The following RIC8A variants were observed in gnomAD, a reference collection of about 807,000 sequenced individuals.
The protein encoded by RIC8A is RIC8 guanine nucleotide exchange factor A, also known as chaperone Ric-8A.
Under a neutral mutation model 48.4 loss-of-function variants are expected in RIC8A, and 37 were observed. That is an observed-to-expected ratio of 0.77 (90% CI 0.59 to 1.01). RIC8A has a LOEUF of 1.01. RIC8A is among the 50% of genes least tolerant of loss of function. RIC8A has a pLI of 0.00. For synonymous variants in RIC8A, 288 were observed against 283.4 expected (o/e 1.02, Z -0.16); for missense variants, 681 against 696.8 (o/e 0.98, Z 0.25).
rs1855501715 is a variant in RIC8A at position 214,903 on chromosome 11, TCTCCTTGGTC to T, written c.*557_*566del. 1 of 192,906 alleles carries T rather than the reference TCTCCTTGGTC, an allele frequency of 5.2e-6. No individual in the cohort carries two copies. Among genetic ancestry groups the T allele is most frequent in the Non-Finnish European group, 1.0e-5 (1 of 97,376 alleles). 11.9% of individuals were successfully genotyped at this position (192,906 alleles called of 1,614,324 possible). The stretch of plus-strand genomic sequence containing the variant: ...GCAGGGCTGGAGGCCTCTTAGACAT[TCTCCTTGGTC>T]CTCGTTCAGCTGCCCACTGTAGTAT... On this transcript the variant is annotated 3_prime_UTR_variant, in exon 10 of 10. Transcript: ENST00000526104.
In RIC8A at chr11:209,466, C is replaced by G; in HGVS notation, c.192C>G (p.Val64=). Residue 64 remains valine (V), a synonymous_variant, in exon 3 of 10, where the codon GTC becomes GTG. Transcript: ENST00000526104. ...AGGGCTTGCCACCCTCCCACCGTGT[C>G]ATCTGGCTGCAGAGTGTCCGAATCC... ...LEQGLPPSHR[V]IWLQSVRILS... 6.2e-7 allele frequency: 1 copy of G among 1,606,478 alleles called. No homozygotes were observed. Among genetic ancestry groups the G allele is most frequent in the Non-Finnish European group, 8.5e-7 (1 of 1,173,790 alleles).
chr11:212,364 C>T, intron 5 of RIC8A, 52 bp from the exon 6 acceptor site: 1 of 1,558,996 alleles, frequency 6.4e-7, no homozygotes, highest in Non-Finnish European at 8.8e-7. Flanking sequence ...AACTCTGTGC[C>T]AGTCACAAGT....
At chr11:210,760 C>A in intron 4 of RIC8A, 98 bp downstream of exon 4, 2 of 1,113,092 alleles carry the variant, frequency 1.8e-6, no homozygotes, top group East Asian at 2.4e-5. Context: ...AGAGCCCAGG[C>A]CCCACCCTAG....
chr11:207,966 T>A lies in RIC8A; in HGVS notation c.-889T>A, dbSNP rs747457553. On this transcript the variant is annotated 5_prime_UTR_variant, in exon 1 of 10. Transcript: ENST00000526104. ...AGGAAAGTGAAGCCGGGAGAGAGAC[T>A]GGGAGGCGGCGCGGGGACTGGGGGC... is the stretch of plus-strand genomic sequence containing the variant. 1 of 152,254 alleles carries A rather than the reference T, an allele frequency of 6.6e-6. No individual in the cohort carries two copies. Among genetic ancestry groups the A allele is most frequent in the Non-Finnish European group, 1.5e-5 (1 of 68,044 alleles). The allele number at this position is 152,254 out of a possible 1,614,324, so 9.4% of individuals were successfully genotyped here.
In RIC8A at chr11:209,927, C is replaced by T. The variant is rs1855306023; in HGVS notation, c.653C>T (p.Thr218Ile). ...CCCACGCTCCTTCCTTCCCAAGAGA[C>T]TGAGCGGGCCATGGAGATCCTCAAA... ...PPPTLLPSQE[T>I]ERAMEILKVL... Residue 218 changes from threonine to isoleucine, a missense_variant, in exon 3 of 10, where the codon ACT becomes ATT. Physicochemically the swap from Thr to Ile is moderately conservative, Grantham distance 89. Coordinates refer to ENST00000526104, the MANE Select transcript of RIC8A (RefSeq NM_001286134.2). 2.5e-6 allele frequency: 4 copies of T among 1,605,660 alleles called. No individual in the cohort carries two copies. The highest frequency in any genetic ancestry group is 3.4e-6 in the Non-Finnish European group (4 of 1,179,922).
At position 212,263 on chromosome 11, in the gene RIC8A, G is replaced by T. The variant is rs555393406; in HGVS notation, c.970-153G>T. 2.2e-4 allele frequency: 152 copies of T among 700,598 alleles called. 1 individual carries two copies. The highest frequency in any genetic ancestry group is 7.0e-5 in the Non-Finnish European group (29 of 412,896). 43.4% of individuals were successfully genotyped at this position (700,598 alleles called of 1,614,324 possible). ...ACCCACCACCCACTCTTGGCCTTCT[G>T]CTGACTAACTGCAGAGGGGCCTCTT... is the stretch of plus-strand genomic sequence containing the variant. On this transcript the variant is annotated intron_variant, in intron 5 of 9. Coordinates refer to ENST00000526104, the MANE Select transcript of RIC8A (RefSeq NM_001286134.2).
intron 1 of RIC8A, 85 bp downstream of exon 1, chr11:209,023 G>A: frequency 1.6e-6 from 2 of 1,258,130 alleles, no homozygotes; most frequent in Non-Finnish European, 1.1e-6. Flanking sequence ...CGTGGGTGAG[G>A]CAGAGGCTGT....
chr11:212,789 A>AC, intron 7 of RIC8A, 30 bp downstream of exon 7: 1 of 1,611,858 alleles, frequency 6.2e-7, no homozygotes, highest in Non-Finnish European at 8.5e-7. Context: ...GTCCCAGCCC[A>AC]CCCCACCTCA....
At chr11:209,111 C>G (rs1470224802) in intron 1 of RIC8A, 160 bp from the exon 2 acceptor site, 3 of 1,051,430 alleles carry the variant, frequency 2.9e-6, no homozygotes, top group Non-Finnish European at 3.0e-6. Flanking sequence ...TGGGGGTGCA[C>G]CCGTTGGGTG....
chr11:209,207 G>A (rs770861348), intron 1 of RIC8A, 64 bp from the exon 2 acceptor site: 3 of 1,592,548 alleles, frequency 1.9e-6, no homozygotes, highest in African/African-American at 2.7e-5. Flanking sequence ...CCAATAGGCC[G>A]CCCGCATCAG....
rs1419050189 is a variant in RIC8A at position 213,384 on chromosome 11, A to G, written c.1441A>G (p.Met481Val). ...AGAGGAGCAGAAGGAGCACGAGGCC[A>G]TGAAGCTGGTGACCATGTTTGACAA... ...MTEEQKEHEA[M>V]KLVTMFDKLS... Residue 481 changes from methionine to valine, a missense_variant, in exon 9 of 10, where the codon ATG becomes GTG. Physicochemically the swap from Met to Val is conservative, Grantham distance 21. Coordinates refer to ENST00000526104, the MANE Select transcript of RIC8A (RefSeq NM_001286134.2). 3 of 1,605,376 alleles carry G rather than the reference A, an allele frequency of 1.9e-6. No homozygotes were observed. Among genetic ancestry groups the G allele is most frequent in the Non-Finnish European group, 2.6e-6 (3 of 1,175,822 alleles).
chr11:211,352 A>AGGCTGGGGAT lies in RIC8A; in HGVS notation c.969+9_969+18dup. 1 of 1,612,666 alleles carries AGGCTGGGGAT rather than the reference A, an allele frequency of 6.2e-7. No homozygotes were observed. ...TCCTAGAGAAGCGTTTGCACAAGGT[A>AGGCTGGGGAT]GGCTGGGGATGGCTGTGCAGGCTCC... On this transcript the variant is annotated splice_donor_region_variant and intron_variant, in intron 5 of 9. Transcript: ENST00000526104. This position sits in a 1 kb window ranked among gnomAD's most constrained non-coding sequence, Gnocchi z 4.0.
intron 3 of RIC8A, 97 bp downstream of exon 3, chr11:210,097 G>A (rs1419989280): frequency 3.7e-6 from 4 of 1,081,978 alleles, no homozygotes; most frequent in Non-Finnish European, 5.2e-6. Context: ...CTGGGTGTCA[G>A]ACATGGAGAG....
rs1564798330 is a variant in RIC8A, at chr11:209,338, G to T, written c.132+20G>T. 6.2e-7 allele frequency: 1 copy of T among 1,609,312 alleles called. No individual in the cohort carries two copies. Among genetic ancestry groups the T allele is most frequent in the Admixed American group, 1.7e-5 (1 of 59,780 alleles). On this transcript the variant is annotated intron_variant, in intron 2 of 9. Coordinates refer to ENST00000526104, the MANE Select transcript of RIC8A (RefSeq NM_001286134.2). The stretch of plus-strand genomic sequence containing the variant: ...CGGAAGGTGGGTGCTGGCCCAAGGG[G>T]TAAAGGGGCAGGGACGGGTGGCCCC...
rs1389717422 is a variant in RIC8A at position 208,869 on chromosome 11, G to T, written c.15G>T (p.Ala5=). 1.2e-6 allele frequency: 2 copies of T among 1,610,498 alleles called. No homozygotes were observed. The highest frequency in any genetic ancestry group is 1.7e-5 in the Admixed American group (1 of 59,902). MEPR[A]VAEAVETGEE... ...CCCGGCGCGCCATGGAGCCCCGGGC[G>T]GTTGCAGAAGCCGTGGAGACGGGTG... Residue 5 remains alanine, a synonymous_variant, in exon 1 of 10, where the codon GCG becomes GCT. Coordinates refer to ENST00000526104, the MANE Select transcript of RIC8A (RefSeq NM_001286134.2). This position sits in a 1 kb window ranked among gnomAD's most constrained non-coding sequence, Gnocchi z 4.8.
intron 8 of RIC8A, 95 bp from the exon 9 acceptor site, chr11:213,204 C>T: frequency 6.4e-7 from 1 of 1,555,488 alleles, no homozygotes; most frequent in East Asian, 2.3e-5. Context: ...CTGCAGTTGC[C>T]TTGCCCACCT....
At position 209,847 on chromosome 11, in the gene RIC8A, G is replaced by A. The variant is rs1437871416; in HGVS notation, c.573G>A (p.Leu191=). The A allele has an allele frequency of 6.2e-7, 1 of 1,613,634 alleles. No homozygotes were observed. The highest frequency in any genetic ancestry group is 8.5e-7 in the Non-Finnish European group (1 of 1,180,046). ...QLFQELKGVR[L]LTDTLELTLG... ...TTCAGGAGCTGAAAGGAGTGCGCCT[G>A]CTAACTGACACACTGGAGCTGACGC... The change falls in exon 3 of 10, where the codon CTG becomes CTA. Residue 191 remains leucine (L), a synonymous_variant. Transcript: ENST00000526104.
intron 3 of RIC8A, 77 bp downstream of exon 3, chr11:210,077 C>A (rs1294164682): frequency 1.8e-5 from 23 of 1,277,558 alleles, no homozygotes; most frequent in Non-Finnish European, 2.3e-5. Context: ...TACTGGGTAC[C>A]TTCAGGTTTC....
At position 210,580 on chromosome 11, in the gene RIC8A, G is replaced by A. The variant is rs764888819; in HGVS notation, c.736G>A (p.Ala246Thr). The stretch of plus-strand genomic sequence containing the variant: ...TTCTTTCTTTGGTCAGGAAGACGCT[G>A]CCCTTTACCGACACCTGGGGACCCT... The part of the protein sequence containing the change: ...IKGEVDEEDA[A>T]LYRHLGTLLR... Residue 246 changes from alanine (A) to threonine (T), a missense_variant, in exon 4 of 10, where the codon GCC (alanine) becomes ACC (threonine). Transcript: ENST00000526104. 3.7e-6 allele frequency: 6 copies of A among 1,614,014 alleles called. No individual in the cohort carries two copies. The highest frequency in any genetic ancestry group is 5.1e-6 in the Non-Finnish European group (6 of 1,179,998).
Sources: allele counts gnomAD v4.1 joint callset, GRCh38; gene constraint gnomAD v4.1.1; non-coding constraint Gnocchi (gnomAD v3.1); transcripts MANE v1.5; gene names NCBI Gene and HGNC (gene_info 2026-07-23, HGNC 2026-07-21).